Variants in SHROOM4 observed in about 807,000 individuals in gnomAD.
SHROOM4 encodes protein Shroom4.
A neutral mutation model predicts 80.3 loss-of-function variants in SHROOM4; 17 were observed. The observed-to-expected ratio is 0.21, with a 90% confidence interval of 0.14 to 0.32. The LOEUF (loss-of-function observed/expected upper bound fraction) is 0.32, where lower values mean the gene tolerates loss of function less well. Ranked by LOEUF, SHROOM4 falls within the 10% of genes least tolerant of loss-of-function variation. The pLI is 1.00. For missense variants in SHROOM4, 993 were observed against 1,140.3 expected, an observed-to-expected ratio of 0.87 and a Z score of 1.86; for synonymous variants, 400 against 437.5, an observed-to-expected ratio of 0.91 and a Z score of 1.07.
intron 3 of SHROOM4, among the ~76,000 whole-genome samples, chrX:50,636,166 C>T (rs1364326322): frequency 9.1e-6 from 1 of 110,459 alleles, no homozygotes; most frequent in African/African-American, 3.3e-5. Context: ...ACACGGGTCA[C>T]TTGTCCTCAT....
At chrX:50,789,427 G>A (rs1557271355) in intron 1 of SHROOM4, among the ~76,000 whole-genome samples, 2 of 110,537 alleles carry the variant, frequency 1.8e-5, no homozygotes, top group African/African-American at 6.6e-5. Context: ...AAATCAAAAG[G>A]GAAATTAGAA....
In SHROOM4 at chrX:50,646,639, G is replaced by A. The variant is rs782346595; in HGVS notation, c.270-8331C>T. The stretch of plus-strand genomic sequence containing the variant: ...ATCAGTCTGGGAAAGCTATAATCTG[G>A]GTCATCTGAGAGATGAATACTCTCT... On this transcript the variant is annotated intron_variant, in intron 2 of 8. Coordinates refer to ENST00000376020, the MANE Select transcript of SHROOM4 (RefSeq NM_020717.5). 3.8e-5 allele frequency among the ~76,000 whole-genome samples: 4 copies of A among 104,144 alleles called. No individual in the cohort carries two copies. The East Asian group carries it at 1.3e-3, about 34-fold the overall frequency. The allele number at this position is 104,144 out of a possible 115,157, so 90.4% of individuals were successfully genotyped here. A position where few individuals can be genotyped will look rare whatever the true frequency, so the allele number is the denominator to read the frequency against.
At chrX:50,771,252 G>T (rs1009052757) in intron 1 of SHROOM4, among the ~76,000 whole-genome samples, 1 of 112,051 alleles carries the variant, frequency 8.9e-6, no homozygotes, top group Non-Finnish European at 1.9e-5. Context: ...TCTCTAGAGC[G>T]CAGCAGAACA....
intron 1 of SHROOM4, among the ~76,000 whole-genome samples, chrX:50,710,790 G>A (rs1933795022): frequency 9.0e-6 from 1 of 111,715 alleles, no homozygotes; most frequent in Admixed American, 9.5e-5. Flanking sequence ...GGTTTCAAAG[G>A]TAACTCAGCC....
rs182644071 is a variant in SHROOM4, at chrX:50,651,185, G to A, written c.270-12877C>T. Among the ~76,000 whole-genome samples, 35 of 112,202 alleles carry A rather than the reference G, an allele frequency of 3.1e-4. No individual in the cohort carries two copies. The East Asian group carries it at 9.8e-3, about 31-fold the overall frequency. On this transcript the variant is annotated intron_variant, in intron 2 of 8. Coordinates refer to ENST00000376020, the MANE Select transcript of SHROOM4 (RefSeq NM_020717.5). ...ACTTGGTGGGACAAAGTTGGCTAGA[G>A]AGGGAACAAAAGTACAAGAAAATTT...
intron 5 of SHROOM4, among the ~76,000 whole-genome samples, chrX:50,608,983 C>T (rs781819881): frequency 8.9e-6 from 1 of 112,127 alleles, no homozygotes; most frequent in South Asian, 3.8e-4. Context: ...CTCCTTCTGG[C>T]CAGACACAGT....
intron 2 of SHROOM4, among the ~76,000 whole-genome samples, chrX:50,665,281 G>A (rs1932655319): frequency 9.0e-6 from 1 of 110,962 alleles, no homozygotes; most frequent in South Asian, 3.9e-4. Flanking sequence ...ATTCTTCTGT[G>A]AAGACTGGTG....
intron 2 of SHROOM4, among the ~76,000 whole-genome samples, chrX:50,675,361 T>C (rs782481120): frequency 9.0e-6 from 1 of 111,423 alleles, no homozygotes; most frequent in Non-Finnish European, 1.9e-5. Context: ...AAAATGAGAT[T>C]TGAATGAATA....
intron 2 of SHROOM4, among the ~76,000 whole-genome samples, chrX:50,679,710 T>A (rs1557261639): frequency 1.8e-5 from 2 of 111,865 alleles, no homozygotes; most frequent in Non-Finnish European, 3.8e-5. Context: ...ATTCCAAATC[T>A]TCTCTTAAAG....
intron 1 of SHROOM4, among the ~76,000 whole-genome samples, chrX:50,789,373 A>C: frequency 8.9e-6 from 1 of 111,995 alleles, no homozygotes. Context: ...AAATATGTGG[A>C]AATTAAACAA....
chrX:50,651,315 C>A (rs1199068528), intron 2 of SHROOM4, among the ~76,000 whole-genome samples: 1 of 111,858 alleles, frequency 8.9e-6, no homozygotes, highest in Non-Finnish European at 1.9e-5. Flanking sequence ...TCATATACAC[C>A]ATTCCATTTC....
chrX:50,600,248 A>G (rs1929330550), intron 7 of SHROOM4, among the ~76,000 whole-genome samples: 1 of 111,556 alleles, frequency 9.0e-6, no homozygotes, highest in African/African-American at 3.3e-5. Flanking sequence ...ACATACTCCA[A>G]ACTAATAGAT....
chrX:50,660,295 A>G (rs782317799), intron 2 of SHROOM4, among the ~76,000 whole-genome samples: 1 of 111,222 alleles, frequency 9.0e-6, no homozygotes, highest in South Asian at 3.8e-4. Flanking sequence ...TCTGGGGTGG[A>G]GCTGAATTTC....
intron 1 of SHROOM4, among the ~76,000 whole-genome samples, chrX:50,788,756 T>A (rs1329953497): frequency 2.7e-5 from 3 of 111,349 alleles, no homozygotes; most frequent in African/African-American, 9.8e-5. Context: ...AAAAACAAGA[T>A]CCAACTATAT....
intron 5 of SHROOM4, among the ~76,000 whole-genome samples, chrX:50,609,100 AT>A (rs782170831): frequency 1.9e-4 from 20 of 108,062 alleles, no homozygotes; most frequent in Non-Finnish European, 1.9e-4. Context: ...CTGTCTCTAA[AT>A]TTTTTTTTTA....
intron 6 of SHROOM4, among the ~76,000 whole-genome samples, chrX:50,604,786 C>T (rs1929594472): frequency 9.0e-6 from 1 of 111,683 alleles, no homozygotes; most frequent in Non-Finnish European, 1.9e-5. Context: ...TATAGGTGGT[C>T]TATGTAGTAA....
intron 1 of SHROOM4, among the ~76,000 whole-genome samples, chrX:50,801,417 T>A (rs1253439524): frequency 9.0e-6 from 1 of 110,839 alleles, no homozygotes; most frequent in Non-Finnish European, 1.9e-5. Flanking sequence ...AGCTAGGGGA[T>A]GGGAGATGGA....
intron 1 of SHROOM4, among the ~76,000 whole-genome samples, chrX:50,699,740 G>C (rs1933469239): frequency 8.9e-6 from 1 of 112,029 alleles, no homozygotes; most frequent in South Asian, 3.7e-4. Context: ...TACTCTGATA[G>C]CTGTCAACAA....
chrX:50,780,528 G>A (rs1935602929), intron 1 of SHROOM4, among the ~76,000 whole-genome samples: 1 of 111,739 alleles, frequency 8.9e-6, no homozygotes, highest in South Asian at 3.8e-4. Context: ...AAACAGGGCT[G>A]AATCCACCTG....
Sources: allele counts gnomAD v4.1 joint callset (sites outside exome capture counted in the v4.1 genomes callset), GRCh38; gene constraint gnomAD v4.1.1; transcripts MANE v1.5; gene names NCBI Gene and HGNC (gene_info 2026-07-23, HGNC 2026-07-21).